CXCL12: variants seen among roughly 807,000 people sequenced by gnomAD.
CXCL12 encodes the protein C-X-C motif chemokine ligand 12.
A neutral mutation model predicts 10.7 loss-of-function variants in CXCL12; 4 were observed. The ratio of observed to expected loss-of-function variants is 0.37; its 90% CI spans 0.18 to 0.86. CXCL12 has a LOEUF of 0.86. CXCL12 is among the 40% of genes least tolerant of loss of function. The pLI is 0.43. For synonymous variants in CXCL12, 54 were observed against 45.4 expected (o/e 1.19, Z -0.77); for missense variants, 122 against 110.4 (o/e 1.10, Z -0.47).
chr10:44,373,856 C>CA (rs1255689996), downstream of CXCL12, among the ~76,000 whole-genome samples: 2 of 152,182 alleles, frequency 1.3e-5, no homozygotes, highest in African/African-American at 4.8e-5. Context: ...CACAGGTGGC[C>CA]AGGACCTCCC....
chr10:44,378,268 C>G lies in CXCL12; in HGVS notation c.*365G>C. On this transcript the variant is annotated 3_prime_UTR_variant, in exon 3 of 3. Transcript: ENST00000343575. ...AGCCAAATTCAGATCTTGAAGTACT[C>G]GTTGATTTAAAAAATGAGAATGAGA... 1 of 1,461,064 alleles carries G rather than the reference C, an allele frequency of 6.8e-7. No homozygotes were observed. Among genetic ancestry groups the G allele is most frequent in the Non-Finnish European group, 9.1e-7 (1 of 1,094,310 alleles). The allele number at this position is 1,461,064 out of a possible 1,614,324, so 90.5% of individuals were successfully genotyped here. A position where few individuals can be genotyped will look rare whatever the true frequency, so the allele number is the denominator to read the frequency against.
At chr10:44,380,679 C>T in intron 2 of CXCL12, 84 bp downstream of exon 2, 2 of 1,212,558 alleles carry the variant, frequency 1.6e-6, no homozygotes, top group Non-Finnish European at 2.5e-6. Context: ...CACCTCTACA[C>T]CTTTAATAAG....
Position 44,377,372 on chromosome 10 carries a change from A to G in CXCL12, c.*1261T>C. 1 of 1,073,290 alleles carries G rather than the reference A, an allele frequency of 9.3e-7. No individual in the cohort carries two copies. The allele number at this position is 1,073,290 out of a possible 1,614,324, so 66.5% of individuals were successfully genotyped here. ...TGTTCGACTATAAATATATTTTGAA[A>G]TACATTTGTTTTCTAAAGAAACGTA... On this transcript the variant is annotated 3_prime_UTR_variant, in exon 3 of 3. Coordinates refer to ENST00000343575, the MANE Select transcript of CXCL12 (RefSeq NM_199168.4).
At chr10:44,373,247 G>A (rs1040955721), downstream of CXCL12, 19 of 1,569,206 alleles carry the variant, frequency 1.2e-5, no homozygotes, top group African/African-American at 2.6e-4. Context: ...CCCTGGCAGG[G>A]GAGGCTGTGG....
downstream of CXCL12, chr10:44,375,819 C>T: frequency 1.3e-6 from 2 of 1,529,504 alleles, no homozygotes; most frequent in South Asian, 2.6e-5. Context: ...AGCACTGCTC[C>T]CCCACGGAAG....
downstream of CXCL12, among the ~76,000 whole-genome samples, chr10:44,375,285 C>T (rs1839422224): frequency 6.6e-6 from 1 of 152,220 alleles, no homozygotes; most frequent in African/African-American, 2.4e-5. Context: ...CAGAAACCCA[C>T]CCGGGCTTGG....
chr10:44,383,972 G>A (rs1839716923), intron 1 of CXCL12, among the ~76,000 whole-genome samples: 1 of 152,232 alleles, frequency 6.6e-6, no homozygotes, highest in African/African-American at 2.4e-5. Context: ...GTGTTCAGAG[G>A]CAACAGTTTA....
At chr10:44,382,163 C>A (rs1366384638) in intron 1 of CXCL12, among the ~76,000 whole-genome samples, 1 of 152,204 alleles carries the variant, frequency 6.6e-6, no homozygotes, top group Non-Finnish European at 1.5e-5. Context: ...AAAAGCCAAG[C>A]ATCAGGGTGC....
At chr10:44,374,061 G>A (rs371260938), downstream of CXCL12, among the ~76,000 whole-genome samples, 3 of 152,302 alleles carry the variant, frequency 2.0e-5, no homozygotes, top group East Asian at 5.8e-4. Context: ...AAACCACAGT[G>A]AGCCCCCAGG....
Position 44,385,021 on chromosome 10 carries a change from GCGGGC to G in CXCL12, c.-21_-17del. 6.9e-7 allele frequency: 1 copy of G among 1,449,020 alleles called. No homozygotes were observed. The allele number at this position is 1,449,020 out of a possible 1,614,324, so 89.8% of individuals were successfully genotyped here. A position where few individuals can be genotyped will look rare whatever the true frequency, so the allele number is the denominator to read the frequency against. ...TGGCGTTCATGGCGCGGGCGGGCGG[GCGGGC>G]GGGCGGACGAGCGCGGGTCGGGGGC... On this transcript the variant is annotated 5_prime_UTR_variant, in exon 1 of 3. Transcript: ENST00000343575.
chr10:44,377,826 G>A lies in CXCL12; in HGVS notation c.*807C>T, dbSNP rs1316740421. On this transcript the variant is annotated 3_prime_UTR_variant, in exon 3 of 3. Transcript: ENST00000343575. ...ATCTCACAGAGGGCCCGAGCTGTGG[G>A]GCAGGCCCTGGGAGGAGAGGGATGC... 2 of 1,596,288 alleles carry A rather than the reference G, an allele frequency of 1.3e-6. No homozygotes were observed. The highest frequency in any genetic ancestry group is 3.3e-5 in the Admixed American group (2 of 59,768).
In CXCL12 at chr10:44,377,355, TATAA is replaced by T. The variant is rs1344429528; in HGVS notation, c.*1274_*1277del. 9.4e-7 allele frequency: 1 copy of T among 1,065,682 alleles called. No homozygotes were observed. Among genetic ancestry groups the T allele is most frequent in the African/African-American group, 1.7e-5 (1 of 57,848 alleles). 66.0% of individuals were successfully genotyped at this position (1,065,682 alleles called of 1,614,324 possible). A position where few individuals can be genotyped will look rare whatever the true frequency, so the allele number is the denominator to read the frequency against. On this transcript the variant is annotated 3_prime_UTR_variant, in exon 3 of 3. Coordinates refer to ENST00000343575, the MANE Select transcript of CXCL12 (RefSeq NM_199168.4). ...ACTTCAAATATATGAATTGTTCGAC[TATAA>T]ATATATTTTGAAATACATTTGTTTT...
At position 44,378,043 on chromosome 10, in the gene CXCL12, G is replaced by A. The variant is rs1258453798; in HGVS notation, c.*590C>T. The A allele has an allele frequency of 3.4e-6, 5 of 1,479,818 alleles. No homozygotes were observed. Among genetic ancestry groups the A allele is most frequent in the Non-Finnish European group, 4.4e-6 (5 of 1,125,866 alleles). 91.7% of individuals were successfully genotyped at this position (1,479,818 alleles called of 1,614,324 possible). The stretch of plus-strand genomic sequence containing the variant: ...CATGGAGCCCACAGAGCCAATCACT[G>A]AGGTTGAAAGAGGAGGTGAAGGCAG... On this transcript the variant is annotated 3_prime_UTR_variant, in exon 3 of 3. Coordinates refer to ENST00000343575, the MANE Select transcript of CXCL12 (RefSeq NM_199168.4).
At chr10:44,380,919 G>T (rs773358060) in intron 1 of CXCL12, 39 bp from the exon 2 acceptor site, 2 of 1,560,432 alleles carry the variant, frequency 1.3e-6, no homozygotes, top group Non-Finnish European at 1.8e-6. Context: ...TTACTACCCT[G>T]CCAGATTTTG....
chr10:44,380,782 T>A lies in CXCL12; in HGVS notation c.160A>T (p.Asn54Tyr). The change falls in exon 2 of 3, where the codon AAC (asparagine) becomes TAC (tyrosine). Residue 54 changes from asparagine to tyrosine, a missense_variant. Physicochemically the swap from Asn to Tyr is moderately radical, Grantham distance 143 (BLOSUM62 -2). Coordinates refer to ENST00000343575, the MANE Select transcript of CXCL12 (RefSeq NM_199168.4). ...ACTTACACAATCTGAAGGGCACAGT[T>A]TGGAGTGTTGAGAATTTTGAGATGC... ...VKHLKILNTP[N>Y]CALQIVARLK... The A allele has an allele frequency of 6.2e-7, 1 of 1,613,942 alleles. No individual in the cohort carries two copies. The highest frequency in any genetic ancestry group is 8.5e-7 in the Non-Finnish European group (1 of 1,179,812).
At chr10:44,373,675 G>A (rs557810480), downstream of CXCL12, among the ~76,000 whole-genome samples, 2 of 152,280 alleles carry the variant, frequency 1.3e-5, no homozygotes, top group Admixed American at 6.5e-5. Flanking sequence ...ACCCGGCACC[G>A]GCGTGGGGCT....
downstream of CXCL12, chr10:44,376,126 TAAACTGTGCC>T: frequency 7.2e-7 from 1 of 1,380,646 alleles, no homozygotes; most frequent in Non-Finnish European, 1.0e-6. Flanking sequence ...GTGTACTGGT[TAAACTGTGCC>T]TTCAGTCTCA....
chr10:44,378,763 A>C (rs1020178195), intron 2 of CXCL12, 40 bp from the exon 3 acceptor site: 12 of 1,602,086 alleles, frequency 7.5e-6, no homozygotes, highest in Non-Finnish European at 1.0e-5. Context: ...GCTGCACAGG[A>C]GGAAGGCGCG....
downstream of CXCL12, chr10:44,372,854 C>T (rs1839348093): frequency 6.6e-7 from 1 of 1,520,954 alleles, no homozygotes; most frequent in Non-Finnish European, 8.8e-7. Flanking sequence ...CCATGTGGCC[C>T]TCCACCATCC....
Sources: allele counts gnomAD v4.1 joint callset (sites outside exome capture counted in the v4.1 genomes callset), GRCh38; gene constraint gnomAD v4.1.1; transcripts MANE v1.5; gene names NCBI Gene and HGNC (gene_info 2026-07-23, HGNC 2026-07-21).